The following CRACD variants were observed in gnomAD, a reference collection of about 807,000 sequenced individuals.
CRACD encodes the protein capping protein inhibiting regulator of actin dynamics.
CRACD carries 56 observed loss-of-function variants against 106.8 expected under a neutral mutation model. The ratio of observed to expected loss-of-function variants is 0.52; its 90% CI spans 0.42 to 0.66. The LOEUF is 0.66. Among genes scored for constraint, CRACD ranks in the 30% least tolerant of loss-of-function variants. CRACD has a pLI of 0.00. For missense variants in CRACD, 1,730 were observed against 1,623.2 expected, an observed-to-expected ratio of 1.07 and a Z score of -1.13; for synonymous variants, 754 against 670.8, an observed-to-expected ratio of 1.12 and a Z score of -1.92.
intron 3 of CRACD, among the ~76,000 whole-genome samples, chr4:56,279,167 C>T (rs1433300877): frequency 1.3e-5 from 2 of 152,150 alleles, no homozygotes; most frequent in African/African-American, 4.8e-5. Flanking sequence ...TGACTACACC[C>T]ACTGTCCTGC....
At chr4:56,090,523 T>C (rs1733391729) in intron 1 of CRACD, among the ~76,000 whole-genome samples, 1 of 152,022 alleles carries the variant, frequency 6.6e-6, no homozygotes, top group Non-Finnish European at 1.5e-5. Context: ...GCCTCCCGAG[T>C]AGCTGGGACT....
chr4:56,223,225 T>C (rs1475233214), intron 2 of CRACD, among the ~76,000 whole-genome samples: 2 of 21,234 alleles, frequency 9.4e-5, no homozygotes, highest in African/African-American at 5.3e-4. Context: ...TTCTTTTCTC[T>C]TTTTTTTTTT....
chr4:56,328,989 TTGAG>T lies in CRACD; in HGVS notation c.*1187_*1190del, dbSNP rs1746639761. On this transcript the variant is annotated 3_prime_UTR_variant, in exon 11 of 11. Transcript: ENST00000682029. ...GCAGAAAGTCTTTTCTTTACTATAA[TTGAG>T]TAATTCATATTTAGAGTCACATGTC... Among the ~76,000 whole-genome samples the T allele has an allele frequency of 6.6e-6, 1 of 152,234 alleles. No individual in the cohort carries two copies. The highest frequency in any genetic ancestry group is 2.4e-5 in the African/African-American group (1 of 41,462).
chr4:56,237,877 C>G (rs1740080964), intron 2 of CRACD, among the ~76,000 whole-genome samples: 1 of 150,526 alleles, frequency 6.6e-6, no homozygotes, highest in African/African-American at 2.4e-5. Context: ...TAGATATAAC[C>G]CAGCAATATA....
At chr4:56,055,873 C>CATT (rs1732041520) in intron 1 of CRACD, among the ~76,000 whole-genome samples, 1 of 152,148 alleles carries the variant, frequency 6.6e-6, no homozygotes, top group Non-Finnish European at 1.5e-5. Context: ...ATCACAAAGG[C>CATT]ATTAATAAGC....
chr4:56,223,428 A>G (rs991887349), intron 2 of CRACD, among the ~76,000 whole-genome samples: 2 of 152,112 alleles, frequency 1.3e-5, no homozygotes, highest in South Asian at 4.1e-4. Context: ...GTGTTCTTCC[A>G]TCAGGGACAG....
chr4:56,105,929 T>A (rs1042769861), intron 1 of CRACD, among the ~76,000 whole-genome samples: 2 of 105,870 alleles, frequency 1.9e-5, no homozygotes, highest in African/African-American at 7.2e-5. Context: ...AGAAATAGAT[T>A]TTTTTTTTTT....
chr4:56,237,789 T>C (rs930172590), intron 2 of CRACD, among the ~76,000 whole-genome samples: 2 of 150,670 alleles, frequency 1.3e-5, no homozygotes, highest in Non-Finnish European at 1.5e-5. Flanking sequence ...CATATGTAGA[T>C]AGAGCGATGG....
chr4:56,188,071 CT>C (rs372978452), intron 2 of CRACD, among the ~76,000 whole-genome samples: 6 of 152,224 alleles, frequency 3.9e-5, no homozygotes, highest in African/African-American at 1.4e-4. Flanking sequence ...AAAAAGCATC[CT>C]TAGTCTAAAC....
chr4:56,290,769 C>T (rs1743660779), intron 3 of CRACD, among the ~76,000 whole-genome samples: 1 of 152,148 alleles, frequency 6.6e-6, no homozygotes, highest in Admixed American at 6.6e-5. Flanking sequence ...GAGCTGACTG[C>T]CTTCTAAAGC....
chr4:56,314,565 G>C lies in CRACD; in HGVS notation c.1063G>C (p.Ala355Pro). The change falls in exon 8 of 11, where the codon GCG (alanine) becomes CCG (proline). Residue 355 changes from alanine to proline, a missense_variant. Coordinates refer to ENST00000682029, the MANE Select transcript of CRACD (RefSeq NM_001393381.1). The surrounding 1 kb of genome is among the most constrained non-coding windows in gnomAD (Gnocchi z 4.4). ...RRQEEEEGRCAEELKRQEEEE... is the reference protein window; with the variant it reads ...RRQEEEEGRCPEELKRQEEEE... ...GCAGGAGGAGGAGGAAGGAAGATGC[G>C]CGGAGGAGCTCAAAAGGCAGGAGGA... 1 of 1,513,552 alleles carries C rather than the reference G, an allele frequency of 6.6e-7. No homozygotes were observed. Among genetic ancestry groups the C allele is most frequent in the Non-Finnish European group, 8.8e-7 (1 of 1,133,344 alleles). 93.8% of individuals were successfully genotyped at this position (1,513,552 alleles called of 1,614,324 possible).
At chr4:56,173,442 A>G (rs549753595) in intron 1 of CRACD, among the ~76,000 whole-genome samples, 14 of 152,262 alleles carry the variant, frequency 9.2e-5, no homozygotes, top group Non-Finnish European at 1.9e-4. Flanking sequence ...TGAGTGTTCA[A>G]CAGAACAAGT....
intron 2 of CRACD, among the ~76,000 whole-genome samples, chr4:56,181,745 G>A (rs1016612983): frequency 1.3e-5 from 2 of 152,024 alleles, no homozygotes; most frequent in Non-Finnish European, 2.9e-5. Flanking sequence ...TCCAGTCTCC[G>A]CCTCTGTCAT....
At chr4:56,131,851 A>G (rs890372961) in intron 1 of CRACD, among the ~76,000 whole-genome samples, 5 of 152,138 alleles carry the variant, frequency 3.3e-5, no homozygotes, top group African/African-American at 1.2e-4. Context: ...ATATATGTTA[A>G]AATAGTATAT....
At chr4:56,256,898 A>G (rs1253933830) in intron 2 of CRACD, among the ~76,000 whole-genome samples, 2 of 152,176 alleles carry the variant, frequency 1.3e-5, no homozygotes, top group Non-Finnish European at 2.9e-5. Context: ...GGGGTCAGTC[A>G]TACCTCATTA....
chr4:56,184,372 A>G (rs757242701), intron 2 of CRACD, among the ~76,000 whole-genome samples: 2 of 152,190 alleles, frequency 1.3e-5, no homozygotes, highest in Non-Finnish European at 2.9e-5. Flanking sequence ...CGCCTGGCCA[A>G]CATTTATTTT....
intron 1 of CRACD, among the ~76,000 whole-genome samples, chr4:56,081,738 G>A (rs1442379370): frequency 6.6e-6 from 1 of 152,176 alleles, no homozygotes; most frequent in Non-Finnish European, 1.5e-5. Flanking sequence ...CACTTTGGGA[G>A]GCTGAGGCGG....
At position 56,328,612 on chromosome 4, in the gene CRACD, TATG is replaced by T. The variant is rs1454746935; in HGVS notation, c.*812_*814del. The stretch of plus-strand genomic sequence containing the variant: ...AATCTCCATCTAGGGCAGTAGTTCT[TATG>T]ATGTGTAGGCTCCCTCCTAGGGCCT... On this transcript the variant is annotated 3_prime_UTR_variant, in exon 11 of 11. Coordinates refer to ENST00000682029, the MANE Select transcript of CRACD (RefSeq NM_001393381.1). 6.1e-6 allele frequency: 2 copies of T among 329,654 alleles called. No individual in the cohort carries two copies. The highest frequency in any genetic ancestry group is 1.2e-5 in the Non-Finnish European group (2 of 168,100). The allele number at this position is 329,654 out of a possible 1,614,324, so 20.4% of individuals were successfully genotyped here. A position where few individuals can be genotyped will look rare whatever the true frequency, so the allele number is the denominator to read the frequency against.
At chr4:56,157,319 TA>T (rs1198220334) in intron 1 of CRACD, among the ~76,000 whole-genome samples, 2 of 152,128 alleles carry the variant, frequency 1.3e-5, no homozygotes, top group Non-Finnish European at 1.5e-5. Context: ...AATTTAAAAC[TA>T]AAAAGAAAAT....
Sources: allele counts gnomAD v4.1 joint callset (sites outside exome capture counted in the v4.1 genomes callset), GRCh38; gene constraint gnomAD v4.1.1; non-coding constraint Gnocchi (gnomAD v3.1); transcripts MANE v1.5; gene names NCBI Gene and HGNC (gene_info 2026-07-23, HGNC 2026-07-21).